PSTPIP1: variants seen among roughly 807,000 people sequenced by gnomAD.
PSTPIP1 encodes proline-serine-threonine phosphatase interacting protein 1.
Under a neutral mutation model 69.6 loss-of-function variants are expected in PSTPIP1, and 66 were observed. The ratio of observed to expected loss-of-function variants is 0.95; its 90% CI spans 0.78 to 1.16. The LOEUF is 1.16. PSTPIP1 is among the 50% of genes most tolerant of loss of function. The pLI is 0.00. For missense variants in PSTPIP1, 603 were observed against 557.4 expected (o/e 1.08, Z -0.82); for synonymous variants, 266 against 222.7 (o/e 1.19, Z -1.73).
intron 14 of PSTPIP1, among the ~76,000 whole-genome samples, chr15:77,036,826 G>A (rs2076586811): frequency 1.3e-5 from 2 of 152,140 alleles, no homozygotes. Context: ...GTGAGGCTGG[G>A]AAGAAACCCA....
Position 77,025,532 on chromosome 15 carries a change from G to T in PSTPIP1, c.282G>T (p.Leu94=), listed in dbSNP as rs2076259501. 6.4e-7 allele frequency: 1 copy of T among 1,555,858 alleles called. No homozygotes were observed. Among genetic ancestry groups the T allele is most frequent in the Admixed American group, 2.0e-5 (1 of 51,182 alleles). ...ATGTGGGCAGCTCACACATCCAGCT[G>T]GCCCTGACCCTGCGTGAGGAGCTGC... ...MENVGSSHIQ[L]ALTLREELRS... is the part of the protein sequence containing the mutation. Residue 94 remains leucine, a synonymous_variant, in exon 5 of 15, where the codon CTG becomes CTT. Transcript: ENST00000558012.
intron 1 of PSTPIP1, among the ~76,000 whole-genome samples, chr15:77,013,385 C>T (rs150953922): frequency 4.9e-4 from 75 of 152,306 alleles, no homozygotes; most frequent in Middle Eastern, 3.4e-3. Flanking sequence ...ACTGCACTGC[C>T]AGCTGCCTCT....
intron 1 of PSTPIP1, among the ~76,000 whole-genome samples, chr15:76,996,043 T>G (rs2075572437): frequency 6.6e-6 from 1 of 152,064 alleles, no homozygotes; most frequent in Non-Finnish European, 1.5e-5. Context: ...TATATAATGG[T>G]GATAAAATAG....
At chr15:77,035,080 T>C (rs6495232) in intron 12 of PSTPIP1, among the ~76,000 whole-genome samples, 150,746 of 152,342 alleles carry the variant, frequency 0.99, 74,599 homozygotes, top group Middle Eastern at 1. Flanking sequence ...CCCCTACCCA[T>C]GGGGGAAGCT....
upstream of PSTPIP1, chr15:76,994,973 A>G: frequency 8.3e-7 from 1 of 1,199,344 alleles, no homozygotes; most frequent in Non-Finnish European, 1.1e-6. Flanking sequence ...CCCTTAGCAT[A>G]TGGCCTCTGG....
At chr15:77,012,148 TCC>T (rs2075950615) in intron 1 of PSTPIP1, among the ~76,000 whole-genome samples, 29 of 122,558 alleles carry the variant, frequency 2.4e-4, no homozygotes, top group Non-Finnish European at 4.0e-4. Flanking sequence ...CATCCATCCA[TCC>T]ATCCATCCAC....
At chr15:76,997,255 C>T (rs2075600466) in intron 1 of PSTPIP1, among the ~76,000 whole-genome samples, 1 of 152,256 alleles carries the variant, frequency 6.6e-6, no homozygotes. Context: ...GTCTGGCTCC[C>T]TGAGCCTGGG....
chr15:77,007,960 G>T, intron 1 of PSTPIP1: 1 of 455,968 alleles, frequency 2.2e-6, no homozygotes, highest in South Asian at 1.6e-5. Flanking sequence ...GTCACCTCCT[G>T]AACAATTGCC....
At chr15:77,028,930 C>T (rs1257310386) in intron 7 of PSTPIP1, among the ~76,000 whole-genome samples, 1 of 152,250 alleles carries the variant, frequency 6.6e-6, no homozygotes, top group East Asian at 1.9e-4. Flanking sequence ...GTGATGAGAG[C>T]AGACGCCAAC....
chr15:77,025,431 T>A lies in PSTPIP1; in HGVS notation c.248-67T>A, dbSNP rs575161638. Reference sequence around the variant, plus strand: ...CTGGGGCTGGGCTGGCCCACACGGGTGAGTTGTGGGTGGCTGAGGCCCATC... The same window carrying A: ...CTGGGGCTGGGCTGGCCCACACGGGAGAGTTGTGGGTGGCTGAGGCCCATC... On this transcript the variant is annotated intron_variant, in intron 4 of 14. Coordinates refer to ENST00000558012, the MANE Select transcript of PSTPIP1 (RefSeq NM_003978.5). 3.2e-6 allele frequency: 5 copies of A among 1,582,202 alleles called. No homozygotes were observed. In the African/African-American group the frequency reaches 6.8e-5, roughly 21 times the overall value.
chr15:77,011,039 C>A (rs1055846234), intron 1 of PSTPIP1, among the ~76,000 whole-genome samples: 1 of 152,130 alleles, frequency 6.6e-6, no homozygotes, highest in African/African-American at 2.4e-5. Flanking sequence ...GGGAAGCAGG[C>A]GGGGAACTCA....
Position 76,998,948 on chromosome 15 carries a change from G to T in PSTPIP1, c.36+3339G>T, listed in dbSNP as rs182182930. Among the ~76,000 whole-genome samples, 18 of 152,320 alleles carry T rather than the reference G, an allele frequency of 1.2e-4. No individual in the cohort carries two copies. In the East Asian group the frequency reaches 1.3e-3, roughly 11 times the overall value. ...GATAAAGAGCATCACACCTTGGCAG[G>T]AAGTTTGTAAATGAGCCTCAGAGTG... is the stretch of plus-strand genomic sequence containing the variant. On this transcript the variant is annotated intron_variant, in intron 1 of 14. Coordinates refer to ENST00000558012, the MANE Select transcript of PSTPIP1 (RefSeq NM_003978.5).
intron 1 of PSTPIP1, 21 bp downstream of exon 1, chr15:76,995,630 G>C: frequency 5.6e-6 from 9 of 1,613,002 alleles, no homozygotes; most frequent in South Asian, 1.1e-5. Flanking sequence ...ATGGTTGGGG[G>C]CACTGAACAA....
At chr15:77,013,106 ACT>A (rs1169651598) in intron 1 of PSTPIP1, among the ~76,000 whole-genome samples, 1 of 152,166 alleles carries the variant, frequency 6.6e-6, no homozygotes, top group Non-Finnish European at 1.5e-5. Flanking sequence ...TGCAGATGTC[ACT>A]GCTGGTGTGA....
chr15:76,996,234 A>T (rs2075576541), intron 1 of PSTPIP1, among the ~76,000 whole-genome samples: 2 of 152,258 alleles, frequency 1.3e-5, no homozygotes, highest in East Asian at 3.9e-4. Flanking sequence ...TACTTTCTTA[A>T]ATTCAACACG....
chr15:77,030,446 T>G, intron 8 of PSTPIP1, 56 bp from the exon 9 acceptor site: 1 of 1,558,884 alleles, frequency 6.4e-7, no homozygotes, highest in South Asian at 1.2e-5. Context: ...CCTGCTGGAG[T>G]ACAGGGGTGG....
intron 1 of PSTPIP1, among the ~76,000 whole-genome samples, chr15:76,999,159 A>G (rs1443811036): frequency 6.6e-6 from 1 of 152,176 alleles, no homozygotes; most frequent in Non-Finnish European, 1.5e-5. Flanking sequence ...GTCTGTCTGT[A>G]TCCTCTGCAC....
chr15:77,014,167 G>A (rs2076002871), intron 1 of PSTPIP1, among the ~76,000 whole-genome samples: 2 of 152,300 alleles, frequency 1.3e-5, no homozygotes, highest in South Asian at 4.1e-4. Context: ...GCACCCGGCA[G>A]GTCCCTGGGC....
chr15:77,017,337 G>T (rs181726778), intron 1 of PSTPIP1, among the ~76,000 whole-genome samples: 13 of 152,308 alleles, frequency 8.5e-5, no homozygotes, highest in Non-Finnish European at 1.5e-5. Context: ...AGTGAGAAAG[G>T]AGAATTGGGT....
Sources: gnomAD v4.1 joint callset for allele counts (sites outside exome capture counted in the v4.1 genomes callset) on GRCh38, gnomAD v4.1.1 for gene constraint, MANE v1.5 for transcripts, NCBI Gene and HGNC (gene_info 2026-07-23, HGNC 2026-07-21) for gene names.